Variants in NOL10 observed in about 807,000 individuals in gnomAD.
NOL10 encodes the protein H_NH0074G24.1.
In NOL10, 58 loss-of-function variants were observed where a neutral mutation model predicts 103.5. The observed-to-expected ratio is 0.56, with a 90% CI of 0.45 to 0.70. The LOEUF (loss-of-function observed/expected upper bound fraction) is 0.70, where lower values mean the gene tolerates loss of function less well. Ranked by LOEUF, NOL10 falls within the 30% of genes least tolerant of loss-of-function variation. NOL10 has a pLI of 0.00. For missense variants in NOL10, 763 were observed against 807.3 expected (o/e 0.95, Z 0.67); for synonymous variants, 287 against 282.5 (o/e 1.02, Z -0.16).
At chr2:10,604,452 G>A (rs1384146366) in intron 14 of NOL10, among the ~76,000 whole-genome samples, 1 of 152,162 alleles carries the variant, frequency 6.6e-6, no homozygotes, top group Non-Finnish European at 1.5e-5. Flanking sequence ...TCTAAAACTT[G>A]ATTAGGAAAA....
rs150171926 is a variant in NOL10, at chr2:10,635,481, G to A, written c.1026+8839C>T. 5.4e-3 allele frequency among the ~76,000 whole-genome samples: 815 copies of A among 152,304 alleles called. 4 individuals carry two copies. Among genetic ancestry groups the A allele is most frequent in the Non-Finnish European group, 8.3e-3 (568 of 68,032 alleles). ...CCTGAAATTCAAATTTAAGATGAAG[G>A]TGGGGGAGATTTTTACAAATCTATA... On this transcript the variant is annotated intron_variant, in intron 13 of 20. Transcript: ENST00000381685.
intron 19 of NOL10, among the ~76,000 whole-genome samples, chr2:10,584,271 T>C (rs988801424): frequency 3.3e-5 from 5 of 152,142 alleles, no homozygotes; most frequent in African/African-American, 4.8e-5. Context: ...ATCCCCTGGG[T>C]CTAGAATGCT....
rs973367231 is a variant in NOL10, at chr2:10,657,976, T to C, written c.757-85A>G. Reference sequence around the variant, plus strand: ...TCTAAGTGAGAATAATGGCAGCCATTTGCTTCATCGCTTTGTTATGAACAC... The same window carrying C: ...TCTAAGTGAGAATAATGGCAGCCATCTGCTTCATCGCTTTGTTATGAACAC... On this transcript the variant is annotated intron_variant, in intron 10 of 20. Coordinates refer to ENST00000381685, the MANE Select transcript of NOL10 (RefSeq NM_024894.4). 4 of 1,056,106 alleles carry C rather than the reference T, an allele frequency of 3.8e-6. No individual in the cohort carries two copies. The African/African-American group carries it at 6.5e-5, about 17-fold the overall frequency. The allele number at this position is 1,056,106 out of a possible 1,614,324, so 65.4% of individuals were successfully genotyped here. A position where few individuals can be genotyped will look rare whatever the true frequency, so the allele number is the denominator to read the frequency against.
intron 14 of NOL10, among the ~76,000 whole-genome samples, chr2:10,605,177 G>A (rs2884233): frequency 0.59 from 89,986 of 152,060 alleles, 27,649 homozygotes; most frequent in African/African-American, 0.74. Context: ...GTAAACCCAT[G>A]TCAGTCTACC....
At chr2:10,616,151 A>G (rs1219461754) in intron 13 of NOL10, among the ~76,000 whole-genome samples, 6 of 151,354 alleles carry the variant, frequency 4.0e-5, no homozygotes, top group African/African-American at 9.7e-5. Flanking sequence ...TAAGATATTG[A>G]TATCTGGGTA....
rs1323062261 is a variant in NOL10 at position 10,587,190 on chromosome 2, T to C, written c.1844+1853A>G. Among the ~76,000 whole-genome samples the C allele has an allele frequency of 1.3e-4, 5 of 38,578 alleles. 2 individuals carry two copies. The highest frequency in any genetic ancestry group is 2.3e-4 in the Non-Finnish European group (5 of 21,458). 25.3% of individuals were successfully genotyped at this position (38,578 alleles called of 152,430 possible). ...ATACACATATATATACACATATATA[T>C]ACACATATATATACACATATATATA... On this transcript the variant is annotated intron_variant, in intron 19 of 20. Coordinates refer to ENST00000381685, the MANE Select transcript of NOL10 (RefSeq NM_024894.4).
chr2:10,647,727 A>G (rs1679178268), intron 12 of NOL10, among the ~76,000 whole-genome samples: 2 of 152,236 alleles, frequency 1.3e-5, no homozygotes, highest in African/African-American at 4.8e-5. Flanking sequence ...TGAGTTTACT[A>G]TACAAGGCAC....
intron 1 of NOL10, among the ~76,000 whole-genome samples, chr2:10,685,386 G>C (rs888112919): frequency 6.7e-6 from 1 of 150,328 alleles, no homozygotes; most frequent in Non-Finnish European, 1.5e-5. Flanking sequence ...CCAGCTACTC[G>C]GGAGGCTGAG....
intron 13 of NOL10, among the ~76,000 whole-genome samples, chr2:10,637,110 G>A (rs1009189072): frequency 7.2e-6 from 1 of 138,454 alleles, no homozygotes; most frequent in Non-Finnish European, 1.5e-5. Context: ...GCTGAGGTAA[G>A]AGAATCGCTT....
chr2:10,686,498 A>T (rs532267311), intron 1 of NOL10, among the ~76,000 whole-genome samples: 1 of 152,310 alleles, frequency 6.6e-6, no homozygotes, highest in African/African-American at 2.4e-5. Context: ...CACCCCCAAG[A>T]GAGCAGGAGC....
intron 1 of NOL10, among the ~76,000 whole-genome samples, chr2:10,686,378 T>A (rs1036981194): frequency 2.0e-5 from 3 of 152,064 alleles, no homozygotes; most frequent in African/African-American, 7.2e-5. Flanking sequence ...GCAGTGAGAC[T>A]TGTGAGGCCA....
At chr2:10,656,135 G>A (rs780517919) in intron 11 of NOL10, among the ~76,000 whole-genome samples, 1 of 152,204 alleles carries the variant, frequency 6.6e-6, no homozygotes, top group Non-Finnish European at 1.5e-5. Context: ...ATGAAAGCCA[G>A]GTCAAGGATA....
chr2:10,577,520 G>A, intron 20 of NOL10, 116 bp downstream of exon 20: 1 of 746,090 alleles, frequency 1.3e-6, no homozygotes. Context: ...AGGGAACACA[G>A]CTTCCTCAAT....
chr2:10,571,978 C>A lies in NOL10; in HGVS notation c.*93G>T. 1 of 1,404,220 alleles carries A rather than the reference C, an allele frequency of 7.1e-7. No individual in the cohort carries two copies. The allele number at this position is 1,404,220 out of a possible 1,614,324, so 87.0% of individuals were successfully genotyped here. A position where few individuals can be genotyped will look rare whatever the true frequency, so the allele number is the denominator to read the frequency against. On this transcript the variant is annotated 3_prime_UTR_variant, in exon 21 of 21. Coordinates refer to ENST00000381685, the MANE Select transcript of NOL10 (RefSeq NM_024894.4). ...CAAGAACGTACATGAACTTTAAAAA[C>A]GTGTGTTTCCTCGTCTGTGTTTAAC... is the stretch of plus-strand genomic sequence containing the variant.
rs1388060133 is a variant in NOL10 at position 10,638,306 on chromosome 2, ACGTGACGTG to A, written c.1026+6005_1026+6013del. ...TCTCATTCAAAAATAACGTAACGTGACGTGACGTGACGTGACGTGACGTGACGTAACGTA... is the reference window on the plus strand; with the variant it reads ...TCTCATTCAAAAATAACGTAACGTGAACGTGACGTGACGTGACGTAACGTA... On this transcript the variant is annotated intron_variant, in intron 13 of 20. Transcript: ENST00000381685. Among the ~76,000 whole-genome samples, 709 of 125,800 alleles carry A rather than the reference ACGTGACGTG, an allele frequency of 5.6e-3. 11 individuals are homozygous for A. The highest frequency in any genetic ancestry group is 0.021 in the African/African-American group (634 of 29,698). The allele number at this position is 125,800 out of a possible 152,430, so 82.5% of individuals were successfully genotyped here.
chr2:10,580,055 C>T (rs1311629832), intron 19 of NOL10, among the ~76,000 whole-genome samples: 1 of 152,218 alleles, frequency 6.6e-6, no homozygotes, highest in Non-Finnish European at 1.5e-5. Flanking sequence ...GGCAGAAGAT[C>T]AGACACAGAC....
At chr2:10,680,305 AG>A (rs1681651935) in intron 3 of NOL10, among the ~76,000 whole-genome samples, 1 of 123,432 alleles carries the variant, frequency 8.1e-6, no homozygotes, top group African/African-American at 3.2e-5. Context: ...AAGAAGGAGA[AG>A]AGGGAGAAGA....
rs1339598706 is a variant in NOL10 at position 10,589,649 on chromosome 2, G to A, written c.1525C>T (p.Leu509Phe). The change falls in exon 18 of 21, where the codon CTT (leucine) becomes TTT (phenylalanine). Residue 509 changes from leucine to phenylalanine, a missense_variant. Leu to Phe is a conservative substitution (Grantham distance 22). Transcript: ENST00000381685. ...ESEEFRLLNP[L>F]VSKISEKRKK... ...CTTTTTTCACTAATTTTTGAAACAA[G>A]TGGATTCAGAAGCCTAAATTCTTCA... 1 of 1,591,254 alleles carries A rather than the reference G, an allele frequency of 6.3e-7. No homozygotes were observed.
intron 20 of NOL10, among the ~76,000 whole-genome samples, chr2:10,574,507 C>T (rs1281841691): frequency 6.6e-6 from 1 of 152,002 alleles, no homozygotes; most frequent in Non-Finnish European, 1.5e-5. Flanking sequence ...ATTAGCTGGG[C>T]ATGGTGGCAG....
Sources: allele counts gnomAD v4.1 joint callset (sites outside exome capture counted in the v4.1 genomes callset), GRCh38; gene constraint gnomAD v4.1.1; transcripts MANE v1.5; gene names NCBI Gene and HGNC (gene_info 2026-07-23, HGNC 2026-07-21).